SNX10: variants seen among roughly 807,000 people sequenced by gnomAD.
SNX10 encodes the protein sorting nexin 10.
Under a neutral mutation model 28.5 loss-of-function variants are expected in SNX10, and 25 were observed. That is an observed-to-expected ratio of 0.88 (90% CI 0.64 to 1.22). The LOEUF (loss-of-function observed/expected upper bound fraction) is 1.22, where lower values mean the gene tolerates loss of function less well. Ranked by LOEUF, SNX10 falls within the 50% of genes most tolerant of loss-of-function variation. The pLI is 0.00. For synonymous variants in SNX10, 62 were observed against 81.4 expected (o/e 0.76, Z 1.28); for missense variants, 223 against 242.6 (o/e 0.92, Z 0.54).
intron 1 of SNX10, among the ~76,000 whole-genome samples, chr7:26,343,399 G>C (rs935442055): frequency 6.6e-6 from 1 of 152,140 alleles, no homozygotes; most frequent in Non-Finnish European, 1.5e-5. Context: ...CTGACCTTCC[G>C]CTTTCTTGTG....
intron 2 of SNX10, among the ~76,000 whole-genome samples, chr7:26,348,481 G>A (rs572573186): frequency 6.6e-6 from 1 of 152,318 alleles, no homozygotes; most frequent in Non-Finnish European, 1.5e-5. Flanking sequence ...GAACACAAAC[G>A]AGAACCAGCC....
At chr7:26,350,174 C>A (rs952001293) in intron 2 of SNX10, among the ~76,000 whole-genome samples, 2 of 152,208 alleles carry the variant, frequency 1.3e-5, no homozygotes, top group Non-Finnish European at 2.9e-5. Flanking sequence ...TTCCCAAATG[C>A]ACATGCTTCA....
intron 1 of SNX10, among the ~76,000 whole-genome samples, chr7:26,305,162 G>A (rs981118574): frequency 6.6e-6 from 1 of 152,084 alleles, no homozygotes; most frequent in Admixed American, 6.6e-5. Flanking sequence ...ATCTTGCATA[G>A]TCTCCTGGGT....
At chr7:26,350,963 T>C (rs1788574666) in intron 2 of SNX10, among the ~76,000 whole-genome samples, 1 of 152,214 alleles carries the variant, frequency 6.6e-6, no homozygotes, top group Non-Finnish European at 1.5e-5. Context: ...TTCTTAACTC[T>C]TCTTCCAGAT....
At chr7:26,305,842 T>TA (rs1786568578) in intron 1 of SNX10, among the ~76,000 whole-genome samples, 1 of 152,194 alleles carries the variant, frequency 6.6e-6, no homozygotes, top group Non-Finnish European at 1.5e-5. Flanking sequence ...TGCCAGCAAG[T>TA]AAGAGTTTAA....
Position 26,372,047 on chromosome 7 carries a change from TTTTGA to T in SNX10, c.524+18_524+22del, listed in dbSNP as rs1282743927. Reference sequence around the variant, plus strand: ...TGATTCAGAAAGGTATTTCCTTGCATTTTGATTTAATGTATATGTATTTATATAAT... The same window carrying T: ...TGATTCAGAAAGGTATTTCCTTGCATTTTAATGTATATGTATTTATATAAT... On this transcript the variant is annotated intron_variant, in intron 6 of 6. Transcript: ENST00000338523. 3.3e-6 allele frequency: 5 copies of T among 1,538,182 alleles called. No individual in the cohort carries two copies. The South Asian group carries it at 5.6e-5, about 17-fold the overall frequency.
At chr7:26,340,828 G>A (rs1390344518) in intron 1 of SNX10, among the ~76,000 whole-genome samples, 1 of 152,188 alleles carries the variant, frequency 6.6e-6, no homozygotes, top group Non-Finnish European at 1.5e-5. Flanking sequence ...GTGTAGTGGT[G>A]CAAATAGCTC....
chr7:26,372,169 C>T lies in SNX10; in HGVS notation c.524+136C>T, dbSNP rs574912387. 3.2e-4 allele frequency: 207 copies of T among 639,564 alleles called. No homozygotes were observed. The African/African-American group carries it at 3.5e-3, about 11-fold the overall frequency. The allele number at this position is 639,564 out of a possible 1,614,324, so 39.6% of individuals were successfully genotyped here. A position where few individuals can be genotyped will look rare whatever the true frequency, so the allele number is the denominator to read the frequency against. On this transcript the variant is annotated intron_variant, in intron 6 of 6. Transcript: ENST00000338523. ...CTAAGATAATGAAAAAATTAATTGA[C>T]TGAGATTTTATTGAGCTGTGACAGC...
At chr7:26,352,193 T>G (rs1201926854) in intron 2 of SNX10, among the ~76,000 whole-genome samples, 3 of 152,172 alleles carry the variant, frequency 2.0e-5, no homozygotes, top group Non-Finnish European at 4.4e-5. Flanking sequence ...AAAAAGATTC[T>G]GAAAGATTGT....
In SNX10 at chr7:26,372,474, CCT is replaced by C. The variant is rs750063309; in HGVS notation, c.525-12_525-11del. 7 of 1,531,934 alleles carry C rather than the reference CCT, an allele frequency of 4.6e-6. No homozygotes were observed. Among genetic ancestry groups the C allele is most frequent in the Non-Finnish European group, 6.3e-6 (7 of 1,105,468 alleles). The allele number at this position is 1,531,934 out of a possible 1,614,324, so 94.9% of individuals were successfully genotyped here. On this transcript the variant is annotated splice_polypyrimidine_tract_variant and intron_variant, in intron 6 of 6. Transcript: ENST00000338523. ...AATTTCCTCTTTTTATTATTTTCCC[CCT>C]CTCTTCTTTTCCAGTTCATCCTCTG...
At chr7:26,299,343 G>C (rs991225004) in intron 1 of SNX10, among the ~76,000 whole-genome samples, 20 of 152,222 alleles carry the variant, frequency 1.3e-4, no homozygotes, top group Non-Finnish European at 1.5e-5. Context: ...TTACAGGCAT[G>C]TGCCACCACA....
chr7:26,359,615 T>C (rs1919935), intron 2 of SNX10, among the ~76,000 whole-genome samples: 34,372 of 152,186 alleles, frequency 0.23, 4,462 homozygotes, highest in East Asian at 0.32. Flanking sequence ...CATTTTCAAA[T>C]TTTTAAACTA....
chr7:26,353,077 C>G (rs1788670367), intron 2 of SNX10, among the ~76,000 whole-genome samples: 1 of 152,086 alleles, frequency 6.6e-6, no homozygotes, highest in Non-Finnish European at 1.5e-5. Context: ...AAGAAACTTG[C>G]AACATTGTGA....
chr7:26,311,743 T>A (rs1387414679), intron 1 of SNX10, among the ~76,000 whole-genome samples: 1 of 152,178 alleles, frequency 6.6e-6, no homozygotes, highest in Non-Finnish European at 1.5e-5. Context: ...CCTCTGAGGC[T>A]GAGTCACTGT....
chr7:26,333,618 C>A (rs1361180813), intron 1 of SNX10, among the ~76,000 whole-genome samples: 1 of 152,138 alleles, frequency 6.6e-6, no homozygotes, highest in Admixed American at 6.5e-5. Context: ...GCCACCGCAC[C>A]CGACTATTTT....
intron 1 of SNX10, among the ~76,000 whole-genome samples, chr7:26,346,006 T>C (rs1360713837): frequency 6.6e-6 from 1 of 152,150 alleles, no homozygotes; most frequent in Non-Finnish European, 1.5e-5. Flanking sequence ...CCCAGAAGGT[T>C]TGAGTTTCCG....
chr7:26,316,896 A>G (rs983056073), intron 1 of SNX10, among the ~76,000 whole-genome samples: 1 of 152,200 alleles, frequency 6.6e-6, no homozygotes, highest in Admixed American at 6.5e-5. Context: ...GAGTATGCCC[A>G]GAATATACTA....
intron 1 of SNX10, among the ~76,000 whole-genome samples, chr7:26,339,853 T>TG (rs1200554632): frequency 6.7e-6 from 1 of 150,334 alleles, no homozygotes; most frequent in Non-Finnish European, 1.5e-5. Flanking sequence ...GGCCGATCTT[T>TG]TTTTTTTTTT....
chr7:26,297,322 C>T (rs1021175862), intron 1 of SNX10, among the ~76,000 whole-genome samples: 1 of 152,176 alleles, frequency 6.6e-6, no homozygotes, highest in African/African-American at 2.4e-5. Flanking sequence ...TCTTGAACTC[C>T]TGACCTCGTG....
Sources: gnomAD v4.1 joint callset for allele counts (sites outside exome capture counted in the v4.1 genomes callset) on GRCh38, gnomAD v4.1.1 for gene constraint, MANE v1.5 for transcripts, NCBI Gene and HGNC (gene_info 2026-07-23, HGNC 2026-07-21) for gene names.